XIRP2: variants seen among roughly 807,000 people sequenced by gnomAD.
XIRP2 encodes xin actin-binding repeat-containing protein 2.
XIRP2 carries 236 observed loss-of-function variants against 277.0 expected under a neutral mutation model. The ratio of observed to expected loss-of-function variants is 0.85; its 90% CI spans 0.77 to 0.95. The LOEUF (loss-of-function observed/expected upper bound fraction) is 0.95, where lower values mean the gene tolerates loss of function less well. Among genes scored for constraint, XIRP2 ranks in the 40% least tolerant of loss-of-function variants. XIRP2 has a pLI of 0.00. For missense variants in XIRP2, 4,640 were observed against 4,157.5 expected, an observed-to-expected ratio of 1.12 and a Z score of -3.19; for synonymous variants, 1,490 against 1,416.5, an observed-to-expected ratio of 1.05 and a Z score of -1.17.
At chr2:167,023,298 G>A (rs1688042442) in intron 2 of XIRP2, among the ~76,000 whole-genome samples, 1 of 151,832 alleles carries the variant, frequency 6.6e-6, no homozygotes, top group Non-Finnish European at 1.5e-5. Context: ...TTTTTGATGG[G>A]GTTGTTTGTT....
At chr2:166,958,993 T>C (rs1235807465) in intron 2 of XIRP2, among the ~76,000 whole-genome samples, 1 of 151,776 alleles carries the variant, frequency 6.6e-6, no homozygotes, top group Non-Finnish European at 1.5e-5. Context: ...CAGTGACTAC[T>C]CCACATCCCA....
intron 3 of XIRP2, among the ~76,000 whole-genome samples, chr2:167,201,857 ATATT>A (rs1693730338): frequency 6.6e-6 from 1 of 152,212 alleles, no homozygotes; most frequent in African/African-American, 2.4e-5. Flanking sequence ...TAATGAAAAT[ATATT>A]TACGTAAGAG....
At position 167,077,224 on chromosome 2, in the gene XIRP2, T is replaced by G. The variant is rs142072278; in HGVS notation, c.409-58685T>G. Among the ~76,000 whole-genome samples the G allele has an allele frequency of 6.0e-3, 916 of 152,170 alleles. 3 individuals are homozygous for G. The highest frequency in any genetic ancestry group is 8.6e-3 in the Non-Finnish European group (586 of 68,006). On this transcript the variant is annotated intron_variant, in intron 2 of 10. Transcript: ENST00000409195. ...AGATTATTATTCACTGAAGGAAAATTTTGGTGACATGAATGGGTATTCAGG... is the reference window on the plus strand; with the variant it reads ...AGATTATTATTCACTGAAGGAAAATGTTGGTGACATGAATGGGTATTCAGG...
chr2:167,028,466 T>G (rs1346739849), intron 2 of XIRP2, among the ~76,000 whole-genome samples: 1 of 152,026 alleles, frequency 6.6e-6, no homozygotes, highest in African/African-American at 2.4e-5. Flanking sequence ...CAAGGCAATA[T>G]CTCTATGATT....
intron 3 of XIRP2, among the ~76,000 whole-genome samples, chr2:167,164,591 A>G (rs1387407520): frequency 6.6e-6 from 1 of 152,138 alleles, no homozygotes; most frequent in Non-Finnish European, 1.5e-5. Context: ...ATATTTTAAC[A>G]TGGTGTATCT....
At chr2:166,928,382 A>C (rs974161852) in intron 2 of XIRP2, among the ~76,000 whole-genome samples, 1 of 152,118 alleles carries the variant, frequency 6.6e-6, no homozygotes, top group African/African-American at 2.4e-5. Flanking sequence ...CCACATAAGG[A>C]GGTCCCACTA....
intron 2 of XIRP2, among the ~76,000 whole-genome samples, chr2:167,095,466 T>G (rs991172591): frequency 6.6e-6 from 1 of 152,200 alleles, no homozygotes; most frequent in Non-Finnish European, 1.5e-5. Flanking sequence ...TAAATAGCTC[T>G]TATTATTTTG....
At chr2:167,094,179 G>A (rs181917923) in intron 2 of XIRP2, among the ~76,000 whole-genome samples, 1 of 152,078 alleles carries the variant, frequency 6.6e-6, no homozygotes, top group African/African-American at 2.4e-5. Flanking sequence ...TTTTTTTCTT[G>A]TAAATATGTT....
chr2:167,221,568 T>A (rs544365777), intron 5 of XIRP2, among the ~76,000 whole-genome samples: 2 of 152,096 alleles, frequency 1.3e-5, no homozygotes, highest in South Asian at 4.2e-4. Flanking sequence ...CAAATTTGGC[T>A]ATAGCAGGGA....
intron 5 of XIRP2, among the ~76,000 whole-genome samples, chr2:167,224,054 A>G (rs918286244): frequency 1.3e-5 from 2 of 152,076 alleles, no homozygotes; most frequent in Non-Finnish European, 2.9e-5. Flanking sequence ...GCATCTTGTT[A>G]AGGACCTTCT....
intron 2 of XIRP2, among the ~76,000 whole-genome samples, chr2:166,924,866 G>T (rs72882772): frequency 0.18 from 27,850 of 151,894 alleles, 3,148 homozygotes; most frequent in Admixed American, 0.26. Context: ...ATTATTAAGG[G>T]TTCCATAGAA....
intron 3 of XIRP2, among the ~76,000 whole-genome samples, chr2:167,171,197 C>T (rs1692680469): frequency 6.6e-6 from 1 of 151,964 alleles, no homozygotes. Context: ...ACTGCACCCG[C>T]CCTCTTTATT....
chr2:167,186,279 C>T (rs114728971), intron 3 of XIRP2, among the ~76,000 whole-genome samples: 2,709 of 152,228 alleles, frequency 0.018, 79 homozygotes, highest in African/African-American at 0.062. Flanking sequence ...AGTTAATATG[C>T]TGGAATATCA....
chr2:167,191,020 A>G (rs1693314004), intron 3 of XIRP2, among the ~76,000 whole-genome samples: 1 of 151,940 alleles, frequency 6.6e-6, no homozygotes, highest in African/African-American at 2.4e-5. Flanking sequence ...CCATCTGGAC[A>G]AAAAATACAA....
intron 3 of XIRP2, among the ~76,000 whole-genome samples, chr2:167,154,912 A>G (rs1036502844): frequency 9.9e-5 from 15 of 152,072 alleles, no homozygotes; most frequent in African/African-American, 3.6e-4. Flanking sequence ...GATAAAGGGG[A>G]TATCACCACC....
chr2:166,921,728 T>C (rs933447482), intron 2 of XIRP2, among the ~76,000 whole-genome samples: 1 of 152,132 alleles, frequency 6.6e-6, no homozygotes, highest in Non-Finnish European at 1.5e-5. Flanking sequence ...CCTTTCAGTG[T>C]CTACTCTTAG....
Position 166,900,315 on chromosome 2 carries a change from G to A in XIRP2, c.-18-3150G>A, listed in dbSNP as rs1574061543. Among the ~76,000 whole-genome samples, 3 of 151,906 alleles carry A rather than the reference G, an allele frequency of 2.0e-5. No individual in the cohort carries two copies. The East Asian group carries it at 5.9e-4, about 30-fold the overall frequency. On this transcript the variant is annotated intron_variant, in intron 1 of 10. Transcript: ENST00000409195. ...GTTCGTTATTTCTACCTCAATTCTA[G>A]AATTTTAATTCGTTTCTTCTTTGCG...
intron 1 of XIRP2, among the ~76,000 whole-genome samples, chr2:166,900,703 G>T (rs1286071982): frequency 6.6e-6 from 1 of 152,080 alleles, no homozygotes; most frequent in Non-Finnish European, 1.5e-5. Context: ...ACCCCTGCTG[G>T]CTGGAAAGTT....
chr2:167,254,508 G>C (rs1429402015), intron 10 of XIRP2, among the ~76,000 whole-genome samples: 1 of 151,936 alleles, frequency 6.6e-6, no homozygotes, highest in South Asian at 2.1e-4. Context: ...TTTCTGTTAA[G>C]GTCTAGATCA....
Sources: gnomAD v4.1 joint callset for allele counts (sites outside exome capture counted in the v4.1 genomes callset) on GRCh38, gnomAD v4.1.1 for gene constraint, MANE v1.5 for transcripts, NCBI Gene and HGNC (gene_info 2026-07-23, HGNC 2026-07-21) for gene names.